Variants in NLGN1 observed in about 807,000 individuals in gnomAD.
NLGN1 encodes the protein neuroligin 1.
A neutral mutation model predicts 65.5 loss-of-function variants in NLGN1; 12 were observed. The ratio of observed to expected loss-of-function variants is 0.18; its 90% confidence interval spans 0.12 to 0.30. NLGN1 has a LOEUF of 0.30. Ranked by LOEUF, NLGN1 falls within the 10% of genes least tolerant of loss-of-function variation. The pLI is 1.00. For synonymous variants in NLGN1, 350 were observed against 359.5 expected, an observed-to-expected ratio of 0.97 and a Z score of 0.30; for missense variants, 750 against 1,007.1, an observed-to-expected ratio of 0.74 and a Z score of 3.46.
chr3:173,809,971 T>A (rs541827355), intron 4 of NLGN1, among the ~76,000 whole-genome samples: 1 of 152,318 alleles, frequency 6.6e-6, no homozygotes, highest in South Asian at 2.1e-4. Context: ...TCTCCTCTCC[T>A]TTATTTCTCT....
intron 4 of NLGN1, among the ~76,000 whole-genome samples, chr3:174,193,987 A>G (rs547161175): frequency 6.4e-4 from 98 of 152,234 alleles, no homozygotes; most frequent in African/African-American, 2.2e-3. Flanking sequence ...TTTATCTACA[A>G]TTACCAAGGG....
At chr3:174,156,630 TATAAA>T (rs1490552438) in intron 4 of NLGN1, among the ~76,000 whole-genome samples, 1 of 151,760 alleles carries the variant, frequency 6.6e-6, no homozygotes, top group Non-Finnish European at 1.5e-5. Flanking sequence ...AATAGTCTAA[TATAAA>T]ACATAAGGGG....
intron 4 of NLGN1, among the ~76,000 whole-genome samples, chr3:173,815,563 G>T (rs183528297): frequency 2.0e-5 from 3 of 151,868 alleles, no homozygotes; most frequent in Non-Finnish European, 4.4e-5. Context: ...TTGTTTCGTG[G>T]TATCACCCAG....
intron 3 of NLGN1, among the ~76,000 whole-genome samples, chr3:173,624,014 A>T (rs1754432560): frequency 6.6e-6 from 1 of 152,148 alleles, no homozygotes; most frequent in South Asian, 2.1e-4. Context: ...GAACATGTAT[A>T]GAGTTCAGGA....
At chr3:174,184,134 G>C (rs1284903931) in intron 4 of NLGN1, among the ~76,000 whole-genome samples, 1 of 151,754 alleles carries the variant, frequency 6.6e-6, no homozygotes, top group Non-Finnish European at 1.5e-5. Flanking sequence ...AAATACAAAA[G>C]TCAATAACAC....
intron 3 of NLGN1, among the ~76,000 whole-genome samples, chr3:173,662,824 A>G (rs1398118875): frequency 6.6e-6 from 1 of 152,004 alleles, no homozygotes; most frequent in Non-Finnish European, 1.5e-5. Flanking sequence ...CACAATTCAC[A>G]AGGTAACTCC....
chr3:174,227,663 C>G (rs1261613729), intron 4 of NLGN1, among the ~76,000 whole-genome samples: 2 of 151,830 alleles, frequency 1.3e-5, no homozygotes, highest in East Asian at 3.9e-4. Context: ...AAACTGTGAT[C>G]AAAAGAGGCA....
intron 2 of NLGN1, among the ~76,000 whole-genome samples, chr3:173,468,435 T>C (rs964205491): frequency 6.6e-5 from 10 of 152,104 alleles, no homozygotes; most frequent in African/African-American, 2.4e-4. Context: ...GAAACTTTAA[T>C]AAAATTCCTT....
intron 3 of NLGN1, among the ~76,000 whole-genome samples, chr3:173,709,243 T>C (rs888473340): frequency 2.0e-5 from 3 of 152,176 alleles, no homozygotes; most frequent in Admixed American, 1.3e-4. Context: ...CTTCTAACAC[T>C]GGAGTTCAGC....
At chr3:174,207,201 GAAAA>G (rs11336101) in intron 4 of NLGN1, among the ~76,000 whole-genome samples, 22 of 136,680 alleles carry the variant, frequency 1.6e-4, no homozygotes, top group East Asian at 2.1e-4. Context: ...GCTCATTCAT[GAAAA>G]AAAAAAAAAA....
chr3:173,798,071 G>A (rs191507225), intron 3 of NLGN1, among the ~76,000 whole-genome samples: 12 of 152,110 alleles, frequency 7.9e-5, no homozygotes, highest in Admixed American at 7.9e-4. Flanking sequence ...ATAGAGCCCC[G>A]AACAAAATGA....
At chr3:173,950,681 T>C (rs1748026529) in intron 4 of NLGN1, among the ~76,000 whole-genome samples, 1 of 151,326 alleles carries the variant, frequency 6.6e-6, no homozygotes, top group Non-Finnish European at 1.5e-5. Flanking sequence ...GGTGTGGTGG[T>C]GCACACCTAT....
chr3:174,274,301 C>CACTA (rs35760139), intron 4 of NLGN1, among the ~76,000 whole-genome samples: 2 of 151,490 alleles, frequency 1.3e-5, no homozygotes, highest in African/African-American at 2.4e-5. Context: ...ATAATAAACA[C>CACTA]ACTAACTAAC....
chr3:174,200,482 T>C (rs1328032554), intron 4 of NLGN1, among the ~76,000 whole-genome samples: 1 of 152,142 alleles, frequency 6.6e-6, no homozygotes, highest in African/African-American at 2.4e-5. Context: ...TCTTTTTAAA[T>C]GCTTTGAGAG....
intron 3 of NLGN1, among the ~76,000 whole-genome samples, chr3:173,806,208 G>A (rs1716603767): frequency 6.6e-6 from 1 of 152,136 alleles, no homozygotes; most frequent in Admixed American, 6.6e-5. Flanking sequence ...CAAACAAGCT[G>A]AGCTGCAATC....
At chr3:173,531,296 G>T (rs927319656) in intron 2 of NLGN1, among the ~76,000 whole-genome samples, 3 of 151,960 alleles carry the variant, frequency 2.0e-5, no homozygotes, top group African/African-American at 7.3e-5. Flanking sequence ...TTTAAAGTTT[G>T]GTATAAATGT....
At chr3:174,129,454 A>C (rs1325981686) in intron 4 of NLGN1, among the ~76,000 whole-genome samples, 2 of 151,602 alleles carry the variant, frequency 1.3e-5, no homozygotes, top group Non-Finnish European at 2.9e-5. Flanking sequence ...GAGCTGAAAA[A>C]ATTTACAATC....
intron 3 of NLGN1, among the ~76,000 whole-genome samples, chr3:173,673,689 C>T (rs1762752062): frequency 6.6e-6 from 1 of 152,070 alleles, no homozygotes; most frequent in Non-Finnish European, 1.5e-5. Flanking sequence ...CTAAACATCA[C>T]AATGCAACCT....
At chr3:173,545,959 G>A (rs1046809539) in intron 2 of NLGN1, among the ~76,000 whole-genome samples, 4 of 152,110 alleles carry the variant, frequency 2.6e-5, no homozygotes, top group African/African-American at 9.7e-5. Context: ...TGGGGGGCTA[G>A]GGAAGGGATA....
Sources: allele counts gnomAD v4.1 joint callset (sites outside exome capture counted in the v4.1 genomes callset), GRCh38; gene constraint gnomAD v4.1.1; transcripts MANE v1.5; gene names NCBI Gene and HGNC (gene_info 2026-07-23, HGNC 2026-07-21).